Variants in MYO1B observed in about 807,000 individuals in gnomAD.
MYO1B encodes the protein unconventional myosin-Ib.
MYO1B carries 72 observed loss-of-function variants against 159.7 expected under a neutral mutation model. That is an observed-to-expected ratio of 0.45 (90% confidence interval 0.37 to 0.55). MYO1B has a LOEUF of 0.55. Among genes scored for constraint, MYO1B ranks in the 20% least tolerant of loss-of-function variants. The pLI is 0.00. For missense variants in MYO1B, 1,062 were observed against 1,364.8 expected (o/e 0.78, Z 3.50); for synonymous variants, 468 against 473.8 (o/e 0.99, Z 0.16).
intron 5 of MYO1B, among the ~76,000 whole-genome samples, chr2:191,343,760 A>C (rs1225321201): frequency 6.6e-6 from 1 of 152,196 alleles, no homozygotes; most frequent in Non-Finnish European, 1.5e-5. Context: ...GGTATTTGGA[A>C]CTAGGCTCCA....
intron 15 of MYO1B, among the ~76,000 whole-genome samples, chr2:191,385,642 G>A (rs921835588): frequency 6.6e-6 from 1 of 152,074 alleles, no homozygotes; most frequent in African/African-American, 2.4e-5. Flanking sequence ...TGTTCTGTGC[G>A]AGGAGAGAGG....
chr2:191,289,125 G>A (rs1688549504), intron 2 of MYO1B, among the ~76,000 whole-genome samples: 1 of 152,108 alleles, frequency 6.6e-6, no homozygotes, highest in Admixed American at 6.5e-5. Flanking sequence ...TTTCTGTTTT[G>A]TTTATTCCTG....
rs539044830 is a variant in MYO1B at position 191,329,918 on chromosome 2, T to A, written c.252-17T>A. On this transcript the variant is annotated splice_polypyrimidine_tract_variant and intron_variant, in intron 3 of 30. Coordinates refer to ENST00000392318, the MANE Select transcript of MYO1B (RefSeq NM_001130158.3). ...TGATCTGAAGTCTAAGGAATTTTTT[T>A]CCATTATCCCCTGCAGCTTTGCCCT... 6.2e-7 allele frequency: 1 copy of A among 1,600,530 alleles called. No individual in the cohort carries two copies. Among genetic ancestry groups the A allele is most frequent in the East Asian group, 2.3e-5 (1 of 44,234 alleles).
chr2:191,261,446 A>T (rs1005742803), intron 1 of MYO1B, among the ~76,000 whole-genome samples: 1 of 152,192 alleles, frequency 6.6e-6, no homozygotes, highest in African/African-American at 2.4e-5. Context: ...AGTTGTGATT[A>T]TGTAAAACTC....
chr2:191,273,174 A>G (rs893725939), intron 1 of MYO1B, among the ~76,000 whole-genome samples: 1 of 152,056 alleles, frequency 6.6e-6, no homozygotes, highest in Non-Finnish European at 1.5e-5. Context: ...GCTGGAGTGC[A>G]GTGGTGCAAT....
intron 5 of MYO1B, among the ~76,000 whole-genome samples, chr2:191,345,312 C>T (rs1692495745): frequency 6.6e-6 from 1 of 152,142 alleles, no homozygotes; most frequent in Non-Finnish European, 1.5e-5. Flanking sequence ...GGTGGGGCTT[C>T]CAGAGTGTCA....
intron 3 of MYO1B, among the ~76,000 whole-genome samples, chr2:191,296,977 A>G (rs1027561037): frequency 6.6e-6 from 1 of 152,252 alleles, no homozygotes; most frequent in Non-Finnish European, 1.5e-5. Context: ...TTATTCCTCC[A>G]AATAAAAATA....
At chr2:191,353,327 A>C (rs913821963) in intron 7 of MYO1B, among the ~76,000 whole-genome samples, 1 of 152,208 alleles carries the variant, frequency 6.6e-6, no homozygotes, top group Non-Finnish European at 1.5e-5. Flanking sequence ...ATGAACTGGA[A>C]GCTTTTGGAA....
At chr2:191,275,493 C>G (rs2125736576) in intron 1 of MYO1B, among the ~76,000 whole-genome samples, 1 of 152,140 alleles carries the variant, frequency 6.6e-6, no homozygotes, top group Non-Finnish European at 1.5e-5. Flanking sequence ...CTCTTTAAAC[C>G]AGACCAACTA....
chr2:191,301,834 T>A (rs1689352877), intron 3 of MYO1B, among the ~76,000 whole-genome samples: 1 of 152,252 alleles, frequency 6.6e-6, no homozygotes, highest in South Asian at 2.1e-4. Flanking sequence ...GATTGCCTTT[T>A]AACCTTGCAG....
intron 4 of MYO1B, among the ~76,000 whole-genome samples, chr2:191,334,234 A>C (rs1691680721): frequency 6.6e-6 from 1 of 151,898 alleles, no homozygotes; most frequent in Non-Finnish European, 1.5e-5. Context: ...CCTCTGGAAC[A>C]TGTGTTCTGA....
chr2:191,338,793 C>T (rs556719312), intron 4 of MYO1B, among the ~76,000 whole-genome samples: 1 of 152,200 alleles, frequency 6.6e-6, no homozygotes, highest in South Asian at 2.1e-4. Context: ...AACAAAAGAG[C>T]CTGACCTAAA....
chr2:191,247,155 G>A (rs1184375588), intron 1 of MYO1B, among the ~76,000 whole-genome samples: 1 of 152,094 alleles, frequency 6.6e-6, no homozygotes, highest in African/African-American at 2.4e-5. Context: ...ACACTGGTGG[G>A]AGGATTCCCA....
intron 1 of MYO1B, among the ~76,000 whole-genome samples, chr2:191,257,713 G>A (rs976148034): frequency 6.6e-6 from 1 of 152,160 alleles, no homozygotes; most frequent in East Asian, 1.9e-4. Context: ...AAGGTAGTGG[G>A]TTACAGTAAT....
chr2:191,332,354 GA>G (rs969487295), intron 4 of MYO1B, among the ~76,000 whole-genome samples: 8 of 150,152 alleles, frequency 5.3e-5, no homozygotes, highest in African/African-American at 2.0e-4. Context: ...GATATTATAG[GA>G]TTTTTTTTTT....
chr2:191,393,354 A>G (rs1695877681), intron 20 of MYO1B, 132 bp downstream of exon 20: 3 of 1,095,256 alleles, frequency 2.7e-6, no homozygotes, highest in Non-Finnish European at 3.8e-6. Context: ...GATGTTCTTA[A>G]TGGTTCTTTT....
chr2:191,314,738 A>G (rs1234200788), intron 3 of MYO1B, among the ~76,000 whole-genome samples: 2 of 152,244 alleles, frequency 1.3e-5, no homozygotes, highest in East Asian at 3.8e-4. Context: ...ACTATAGTCA[A>G]AGATAGAAGG....
rs774740244 is a variant in MYO1B, at chr2:191,276,979, G to A, written c.84G>A (p.Glu28=). 3 of 1,613,978 alleles carry A rather than the reference G, an allele frequency of 1.9e-6. No individual in the cohort carries two copies. Among genetic ancestry groups the A allele is most frequent in the South Asian group, 2.2e-5 (2 of 91,052 alleles). Residue 28 remains glutamate, a synonymous_variant, in exon 2 of 31, where the codon GAG becomes GAA. Transcript: ENST00000392318. ...GDMVLLEPLN[E]ETFINNLKKR... is the part of the protein sequence containing the mutation. ...TGGTTCTTTTAGAACCTCTCAATGA[G>A]GAGACCTTCATCAACAACCTCAAGA...
chr2:191,275,813 C>A (rs940111284), intron 1 of MYO1B, among the ~76,000 whole-genome samples: 2 of 152,150 alleles, frequency 1.3e-5, no homozygotes, highest in Admixed American at 6.5e-5. Flanking sequence ...TACCATTTTA[C>A]CATTTAGTTC....
Sources: gnomAD v4.1 joint callset for allele counts (sites outside exome capture counted in the v4.1 genomes callset) on GRCh38, gnomAD v4.1.1 for gene constraint, MANE v1.5 for transcripts, NCBI Gene and HGNC (gene_info 2026-07-23, HGNC 2026-07-21) for gene names.